The following FMNL3 variants were observed in gnomAD, a reference collection of about 807,000 sequenced individuals.
The protein encoded by FMNL3 is formin-like protein 3.
Under a neutral mutation model 119.6 loss-of-function variants are expected in FMNL3, and 57 were observed. That is an observed-to-expected ratio of 0.48 (90% CI 0.39 to 0.59). FMNL3 has a LOEUF of 0.59. Among genes scored for constraint, FMNL3 ranks in the 20% least tolerant of loss-of-function variants. FMNL3 has a pLI of 0.00. For synonymous variants in FMNL3, 491 were observed against 507.3 expected, an observed-to-expected ratio of 0.97 and a Z score of 0.43; for missense variants, 1,053 against 1,323.5, an observed-to-expected ratio of 0.80 and a Z score of 3.17.
chr12:49,679,730 A>G (rs561031041), intron 1 of FMNL3, among the ~76,000 whole-genome samples: 36 of 152,008 alleles, frequency 2.4e-4, no homozygotes, highest in Non-Finnish European at 5.0e-4. Flanking sequence ...CACGTTGTCC[A>G]GGCTGGTCTC....
intron 4 of FMNL3, among the ~76,000 whole-genome samples, chr12:49,665,121 T>C (rs1001327767): frequency 6.6e-6 from 1 of 152,138 alleles, no homozygotes; most frequent in Non-Finnish European, 1.5e-5. Context: ...GCATATACCT[T>C]TGCTGATTAC....
intron 1 of FMNL3, among the ~76,000 whole-genome samples, chr12:49,687,612 T>C (rs528677971): frequency 6.6e-6 from 1 of 152,352 alleles, no homozygotes; most frequent in South Asian, 2.1e-4. Flanking sequence ...TGTAGATTTG[T>C]TTATTGTTCT....
rs1488205211 is a variant in FMNL3 at position 49,644,036 on chromosome 12, C to T, written c.*1779G>A. On this transcript the variant is annotated 3_prime_UTR_variant, in exon 26 of 26. Transcript: ENST00000335154. Reference sequence around the variant, plus strand: ...GGCAGGGGCCCTAGGCCAGTCAGCACGCTGGTCAAGCTTCCACGGCCCTTA... The same window carrying T: ...GGCAGGGGCCCTAGGCCAGTCAGCATGCTGGTCAAGCTTCCACGGCCCTTA... The T allele has an allele frequency of 2.7e-5, 43 of 1,614,026 alleles. No homozygotes were observed. The highest frequency in any genetic ancestry group is 3.1e-5 in the Non-Finnish European group (36 of 1,180,006).
At chr12:49,675,077 C>T (rs1284481235) in intron 1 of FMNL3, among the ~76,000 whole-genome samples, 1 of 152,200 alleles carries the variant, frequency 6.6e-6, no homozygotes, top group Non-Finnish European at 1.5e-5. Context: ...GTTGGTAAAG[C>T]CTCAAACTCT....
At chr12:49,672,331 G>A (rs1944068184) in intron 1 of FMNL3, among the ~76,000 whole-genome samples, 1 of 152,180 alleles carries the variant, frequency 6.6e-6, no homozygotes, top group South Asian at 2.1e-4. Context: ...AGAAGTAAGG[G>A]AGGTAAGTCA....
chr12:49,644,160 A>G lies in FMNL3; in HGVS notation c.*1655T>C, dbSNP rs1015556379. The G allele has an allele frequency of 1.9e-6, 3 of 1,613,908 alleles. No homozygotes were observed. Among genetic ancestry groups the G allele is most frequent in the Admixed American group, 3.3e-5 (2 of 59,988 alleles). ...GGGTGAGCTGGAGAGGCGGCGGCGGACACTCCTACAGCAGCTGGATGATCA... is the reference window on the plus strand; with the variant it reads ...GGGTGAGCTGGAGAGGCGGCGGCGGGCACTCCTACAGCAGCTGGATGATCA... On this transcript the variant is annotated 3_prime_UTR_variant, in exon 26 of 26. Transcript: ENST00000335154.
Position 49,643,233 on chromosome 12 carries a change from C to T in FMNL3, c.*2582G>A. 6.2e-7 allele frequency: 1 copy of T among 1,614,096 alleles called. No homozygotes were observed. Among genetic ancestry groups the T allele is most frequent in the Non-Finnish European group, 8.5e-7 (1 of 1,180,036 alleles). On this transcript the variant is annotated 3_prime_UTR_variant, in exon 26 of 26. Coordinates refer to ENST00000335154, the MANE Select transcript of FMNL3 (RefSeq NM_175736.5). ...TGCTGATCTGCCCAGGGCTCTGAGT[C>T]AGAAGAAGAGGAGCTGCCCCCACCA... is the stretch of plus-strand genomic sequence containing the variant.
At chr12:49,690,345 A>G (rs1395748533) in intron 1 of FMNL3, among the ~76,000 whole-genome samples, 1 of 152,208 alleles carries the variant, frequency 6.6e-6, no homozygotes, top group Non-Finnish European at 1.5e-5. Flanking sequence ...AAATGGAATG[A>G]ACATTTAGAA....
intron 1 of FMNL3, among the ~76,000 whole-genome samples, chr12:49,669,730 G>A (rs1943991341): frequency 6.6e-6 from 1 of 152,156 alleles, no homozygotes. Context: ...TACTCAGGTT[G>A]CCAAGGCACA....
At chr12:49,667,172 G>A (rs1393994418) in intron 2 of FMNL3, among the ~76,000 whole-genome samples, 3 of 152,134 alleles carry the variant, frequency 2.0e-5, no homozygotes, top group East Asian at 1.9e-4. Flanking sequence ...TATTAGAGCT[G>A]CCACCACCAA....
chr12:49,643,426 G>GT lies in FMNL3; in HGVS notation c.*2388_*2389insA. 1 of 1,531,684 alleles carries GT rather than the reference G, an allele frequency of 6.5e-7. No homozygotes were observed. The highest frequency in any genetic ancestry group is 8.8e-7 in the Non-Finnish European group (1 of 1,141,994). 94.9% of individuals were successfully genotyped at this position (1,531,684 alleles called of 1,614,324 possible). A position where few individuals can be genotyped will look rare whatever the true frequency, so the allele number is the denominator to read the frequency against. ...AGCAGTTGCTGTGAGCGTAGAAGCT[G>GT]GAGAACTGTTGTCCCAGACTGAGAG... On this transcript the variant is annotated 3_prime_UTR_variant, in exon 26 of 26. Transcript: ENST00000335154.
rs186725265 is a variant in FMNL3, at chr12:49,703,664, T to C, written c.126+3391A>G. 1.1e-4 allele frequency among the ~76,000 whole-genome samples: 16 copies of C among 152,308 alleles called. No homozygotes were observed. In the East Asian group the frequency reaches 2.9e-3, roughly 27 times the overall value. On this transcript the variant is annotated intron_variant, in intron 1 of 25. Coordinates refer to ENST00000335154, the MANE Select transcript of FMNL3 (RefSeq NM_175736.5). ...CATCTGTGATCCATCTGCAGCACAC[T>C]AGTAGGGAAGCCCTGAATTAAGGCA...
Position 49,654,975 on chromosome 12 carries a change from C to A in FMNL3, c.895G>T (p.Glu299Ter), listed in dbSNP as rs1943527231. ...ATCAGCTTCTCAAAGCGGTGCAGCT[C>A]CTTGCATACCTGAATGAGCAAACTT... is the stretch of plus-strand genomic sequence containing the variant. Reference protein sequence around the residue: ...AFDNFKEVCKELHRFEKLMEY... With the variant: ...AFDNFKEVCK Residue 299 changes from glutamate (E) to a stop codon, truncating the protein, a stop_gained, in exon 10 of 26, where the codon GAG becomes TAG. Coordinates refer to ENST00000335154, the MANE Select transcript of FMNL3 (RefSeq NM_175736.5). LOFTEE classifies it high-confidence loss of function. 1.2e-6 allele frequency: 2 copies of A among 1,613,992 alleles called. No individual in the cohort carries two copies. Among genetic ancestry groups the A allele is most frequent in the Non-Finnish European group, 1.7e-6 (2 of 1,179,990 alleles).
In FMNL3 at chr12:49,662,017, T is replaced by C; in HGVS notation, c.401A>G (p.Lys134Arg). The C allele has an allele frequency of 6.2e-7, 1 of 1,614,166 alleles. No homozygotes were observed. The change falls in exon 5 of 26, where the codon AAA becomes AGA. Residue 134 changes from lysine to arginine, a missense_variant. Coordinates refer to ENST00000335154, the MANE Select transcript of FMNL3 (RefSeq NM_175736.5). ...GTAATCCACCAGTACATCCAGGCCT[T>C]TGTTTTCATCATTCAGAAATTCCCG... ...WVREFLNDEN[K>R]GLDVLVDYLS...
In FMNL3 at chr12:49,641,406, C is replaced by T. The variant is rs1347463090; in HGVS notation, c.*4409G>A. 1.3e-5 allele frequency: 2 copies of T among 153,186 alleles called. No individual in the cohort carries two copies. The highest frequency in any genetic ancestry group is 1.5e-5 in the Non-Finnish European group (1 of 68,786). 9.5% of individuals were successfully genotyped at this position (153,186 alleles called of 1,614,324 possible). ...CTCTAGTTTCTCTGAACCTTGGTTT[C>T]TCCTTCTGTGTAAAATTAGGATACT... On this transcript the variant is annotated 3_prime_UTR_variant, in exon 26 of 26. Coordinates refer to ENST00000335154, the MANE Select transcript of FMNL3 (RefSeq NM_175736.5).
chr12:49,686,054 G>A (rs1005649495), intron 1 of FMNL3, among the ~76,000 whole-genome samples: 10 of 152,144 alleles, frequency 6.6e-5, no homozygotes, highest in East Asian at 5.8e-4. Context: ...GCGACAGAGC[G>A]AGACTCGGTC....
In FMNL3 at chr12:49,658,891, G is replaced by A. The variant is rs1289597711; in HGVS notation, c.453-297C>T. On this transcript the variant is annotated intron_variant, in intron 5 of 25. Coordinates refer to ENST00000335154, the MANE Select transcript of FMNL3 (RefSeq NM_175736.5). Reference sequence around the variant, plus strand: ...CCCACTAGCCAGGAAATTCCAGAAGGAGTGTCCTCCCCATGGGCCACTCGG... The same window carrying A: ...CCCACTAGCCAGGAAATTCCAGAAGAAGTGTCCTCCCCATGGGCCACTCGG... 2.0e-5 allele frequency among the ~76,000 whole-genome samples: 3 copies of A among 152,172 alleles called. No individual in the cohort carries two copies. The East Asian group carries it at 5.8e-4, about 29-fold the overall frequency.
chr12:49,646,794 G>C (rs896157144), intron 25 of FMNL3, 92 bp downstream of exon 25: 1 of 1,605,394 alleles, frequency 6.2e-7, no homozygotes, highest in Non-Finnish European at 8.5e-7. Flanking sequence ...GGCCTCATGG[G>C]GGGTGGGGTG....
At chr12:49,690,372 C>T (rs982612245) in intron 1 of FMNL3, among the ~76,000 whole-genome samples, 2 of 151,946 alleles carry the variant, frequency 1.3e-5, no homozygotes, top group Non-Finnish European at 2.9e-5. Flanking sequence ...CAAGACTTCC[C>T]AACCTAAAGC....
Sources: allele counts gnomAD v4.1 joint callset (sites outside exome capture counted in the v4.1 genomes callset), GRCh38; gene constraint gnomAD v4.1.1; transcripts MANE v1.5; gene names NCBI Gene and HGNC (gene_info 2026-07-23, HGNC 2026-07-21).